The following ZBBX variants were observed in gnomAD, a reference collection of about 807,000 sequenced individuals.
ZBBX encodes the protein zinc finger B-box domain containing, also known as zinc finger B-box domain-containing protein 1.
ZBBX carries 101 observed loss-of-function variants against 108.5 expected under a neutral mutation model. The ratio of observed to expected loss-of-function variants is 0.93; its 90% CI spans 0.79 to 1.10. The LOEUF (loss-of-function observed/expected upper bound fraction) is 1.10, where lower values mean the gene tolerates loss of function less well. ZBBX is among the 50% of genes least tolerant of loss of function. ZBBX has a pLI of 0.00. For synonymous variants in ZBBX, 356 were observed against 323.4 expected (o/e 1.10, Z -1.08); for missense variants, 1,009 against 941.4 (o/e 1.07, Z -0.94).
chr3:167,392,587 A>G (rs999648124), intron 1 of ZBBX, among the ~76,000 whole-genome samples: 1 of 151,826 alleles, frequency 6.6e-6, no homozygotes, highest in Non-Finnish European at 1.5e-5. Context: ...AAGTTGCATG[A>G]TGGCTTCAGC....
At chr3:167,241,730 A>G (rs948679248) in intron 21 of ZBBX, among the ~76,000 whole-genome samples, 1 of 152,166 alleles carries the variant, frequency 6.6e-6, no homozygotes, top group African/African-American at 2.4e-5. Flanking sequence ...TTTTTTTACA[A>G]GAGAAAGAAA....
At chr3:167,328,728 T>C (rs962138659) in intron 10 of ZBBX, among the ~76,000 whole-genome samples, 1 of 152,198 alleles carries the variant, frequency 6.6e-6, no homozygotes, top group Non-Finnish European at 1.5e-5. Context: ...GTATTAGCTA[T>C]ACCCAATGCC....
chr3:167,363,482 G>T (rs1026068730), intron 6 of ZBBX, among the ~76,000 whole-genome samples: 4 of 152,022 alleles, frequency 2.6e-5, no homozygotes, highest in Admixed American at 2.6e-4. Flanking sequence ...ATTGCCACCT[G>T]TTTTTTCTTC....
the ZBBX span, among the ~76,000 whole-genome samples, chr3:167,234,139 C>T: frequency 1.5e-4 from 23 of 151,870 alleles, no homozygotes; most frequent in South Asian, 8.3e-4. Flanking sequence ...TACTGCTTTA[C>T]GGGAACAGAA....
intron 17 of ZBBX, among the ~76,000 whole-genome samples, chr3:167,303,430 G>C (rs947370713): frequency 2.6e-5 from 4 of 151,790 alleles, no homozygotes; most frequent in African/African-American, 9.7e-5. Flanking sequence ...TCTCAAATTG[G>C]GCATTCTAAT....
At chr3:167,403,222 G>A (rs879310492) in intron 1 of ZBBX, among the ~76,000 whole-genome samples, 2 of 152,088 alleles carry the variant, frequency 1.3e-5, no homozygotes, top group Non-Finnish European at 2.9e-5. Flanking sequence ...ATGTAAGAGG[G>A]AGTAACAATC....
At chr3:167,356,986 T>A (rs1743685104) in intron 8 of ZBBX, among the ~76,000 whole-genome samples, 1 of 152,154 alleles carries the variant, frequency 6.6e-6, no homozygotes, top group East Asian at 1.9e-4. Flanking sequence ...AAGGGCTTAA[T>A]TTTGAACACA....
intron 18 of ZBBX, among the ~76,000 whole-genome samples, chr3:167,289,276 A>G (rs771482514): frequency 9.9e-5 from 15 of 152,240 alleles, no homozygotes; most frequent in Non-Finnish European, 2.1e-4. Context: ...TGACACCAAG[A>G]TCTAGCTTTC....
At chr3:167,220,074 A>G in the ZBBX span, among the ~76,000 whole-genome samples, 1 of 151,964 alleles carries the variant, frequency 6.6e-6, no homozygotes, top group African/African-American at 2.4e-5. Context: ...GGAACAGACC[A>G]ATAATAAGTA....
At chr3:167,392,253 A>G (rs74549770) in intron 1 of ZBBX, among the ~76,000 whole-genome samples, 5,510 of 151,964 alleles carry the variant, frequency 0.036, 346 homozygotes, top group African/African-American at 0.13. Context: ...GTCATTACTG[A>G]GGACTATTCT....
At chr3:167,384,381 T>C (rs889125115), upstream of ZBBX, among the ~76,000 whole-genome samples, 1 of 152,078 alleles carries the variant, frequency 6.6e-6, no homozygotes, top group African/African-American at 2.4e-5. Context: ...GCTGCTTGTC[T>C]CTACATTTGA....
At chr3:167,183,510 G>T in the ZBBX span, among the ~76,000 whole-genome samples, 3 of 152,190 alleles carry the variant, frequency 2.0e-5, no homozygotes, top group African/African-American at 7.2e-5. Context: ...GTGCGGAGTG[G>T]GAATCAGGGG....
intron 11 of ZBBX, among the ~76,000 whole-genome samples, chr3:167,323,123 T>C (rs1736719885): frequency 6.6e-6 from 1 of 151,198 alleles, no homozygotes; most frequent in African/African-American, 2.4e-5. Flanking sequence ...CAGAATCCCT[T>C]GAACTGAAAG....
In ZBBX at chr3:167,240,748, C is replaced by T. The variant is rs1220786077; in HGVS notation, c.*45G>A. 2 of 1,593,184 alleles carry T rather than the reference C, an allele frequency of 1.3e-6. No homozygotes were observed. Among genetic ancestry groups the T allele is most frequent in the Non-Finnish European group, 1.7e-6 (2 of 1,169,490 alleles). ...CTTGGTTACTTTTCTCAGTTGTTTG[C>T]TTTACTCTGGGTACAAAATGGAAAC... is the stretch of plus-strand genomic sequence containing the variant. On this transcript the variant is annotated 3_prime_UTR_variant, in exon 22 of 22. Coordinates refer to ENST00000675490, the MANE Select transcript of ZBBX (RefSeq NM_001199201.2).
chr3:167,253,256 C>T (rs1237098602), intron 20 of ZBBX, among the ~76,000 whole-genome samples: 1 of 152,034 alleles, frequency 6.6e-6, no homozygotes, highest in Non-Finnish European at 1.5e-5. Flanking sequence ...GCCCAACACA[C>T]AGACACCAAA....
At chr3:167,342,251 G>C (rs1251748340) in intron 9 of ZBBX, among the ~76,000 whole-genome samples, 1 of 151,714 alleles carries the variant, frequency 6.6e-6, no homozygotes, top group Non-Finnish European at 1.5e-5. Context: ...AAGAAATCAT[G>C]AGATAACATA....
At chr3:167,269,861 G>T (rs527473675) in intron 20 of ZBBX, among the ~76,000 whole-genome samples, 1 of 152,112 alleles carries the variant, frequency 6.6e-6, no homozygotes, top group African/African-American at 2.4e-5. Context: ...CAGACTCAAA[G>T]CATGCTTTCT....
chr3:167,266,294 G>A (rs116365586), intron 20 of ZBBX, among the ~76,000 whole-genome samples: 2,174 of 152,164 alleles, frequency 0.014, 26 homozygotes, highest in South Asian at 0.026. Context: ...GGGTAATTTC[G>A]TACAGTTTGT....
chr3:167,179,533 A>T, the ZBBX span, among the ~76,000 whole-genome samples: 1 of 152,244 alleles, frequency 6.6e-6, no homozygotes, highest in African/African-American at 2.4e-5. Flanking sequence ...GCAATTGGGT[A>T]AATAAAGTCA....
Sources: gnomAD v4.1 joint callset for allele counts (sites outside exome capture counted in the v4.1 genomes callset) on GRCh38, gnomAD v4.1.1 for gene constraint, MANE v1.5 for transcripts, NCBI Gene and HGNC (gene_info 2026-07-23, HGNC 2026-07-21) for gene names.